PARD3B: variants seen among roughly 807,000 people sequenced by gnomAD.
PARD3B encodes partitioning defective 3 homolog B.
Under a neutral mutation model 130.2 loss-of-function variants are expected in PARD3B, and 103 were observed. The ratio of observed to expected loss-of-function variants is 0.79; its 90% CI spans 0.67 to 0.93. The LOEUF (loss-of-function observed/expected upper bound fraction) is 0.93. PARD3B is among the 40% of genes least tolerant of loss of function. PARD3B has a pLI of 0.00. For synonymous variants in PARD3B, 583 were observed against 553.2 expected, an observed-to-expected ratio of 1.05 and a Z score of -0.76; for missense variants, 1,609 against 1,499.2, an observed-to-expected ratio of 1.07 and a Z score of -1.21.
intron 18 of PARD3B, among the ~76,000 whole-genome samples, chr2:205,332,391 C>G (rs183668946): frequency 7.5e-4 from 114 of 151,978 alleles, no homozygotes; most frequent in African/African-American, 2.7e-3. Context: ...AAGATCTCCC[C>G]AAGCCCCTTT....
chr2:205,509,526 T>C (rs1359321614), intron 21 of PARD3B, among the ~76,000 whole-genome samples: 1 of 152,188 alleles, frequency 6.6e-6, no homozygotes, highest in East Asian at 1.9e-4. Flanking sequence ...GTTACTTCTC[T>C]GCCCTGTCCC....
At chr2:205,573,269 C>T (rs910676575) in intron 22 of PARD3B, among the ~76,000 whole-genome samples, 1 of 152,134 alleles carries the variant, frequency 6.6e-6, no homozygotes, top group African/African-American at 2.4e-5. Flanking sequence ...TGTGAAGGAG[C>T]TGAGCTGACC....
At chr2:204,970,972 C>T (rs753878655) in intron 3 of PARD3B, among the ~76,000 whole-genome samples, 9 of 151,990 alleles carry the variant, frequency 5.9e-5, no homozygotes, top group Non-Finnish European at 1.0e-4. Context: ...TCTTCAAAAC[C>T]GAAATGGAAA....
chr2:204,663,761 T>C (rs2035915378), intron 1 of PARD3B, among the ~76,000 whole-genome samples: 2 of 152,228 alleles, frequency 1.3e-5, no homozygotes, highest in Admixed American at 6.5e-5. Flanking sequence ...GCTACCATAC[T>C]GTGTGGACAT....
intron 8 of PARD3B, among the ~76,000 whole-genome samples, chr2:205,123,895 A>G (rs1203881288): frequency 2.0e-5 from 3 of 152,170 alleles, no homozygotes; most frequent in Non-Finnish European, 4.4e-5. Flanking sequence ...AGACAATGGG[A>G]TGCAGCAGTA....
Position 205,366,533 on chromosome 2 carries a change from A to T in PARD3B, c.2631-34480A>T, listed in dbSNP as rs1230346462. Among the ~76,000 whole-genome samples, 2 of 152,228 alleles carry T rather than the reference A, an allele frequency of 1.3e-5. No individual in the cohort carries two copies. The highest frequency in any genetic ancestry group is 2.9e-5 in the Non-Finnish European group (2 of 68,048). On this transcript the variant is annotated intron_variant, in intron 18 of 22. Coordinates refer to ENST00000406610, the MANE Select transcript of PARD3B (RefSeq NM_001302769.2). This position sits in a 1 kb window ranked among gnomAD's most constrained non-coding sequence, Gnocchi z 5.0. The stretch of plus-strand genomic sequence containing the variant: ...GGGGACCCAGAGGAATAGAAATGTC[A>T]CATCGTGACTGAGGGACAGAGCTAA...
chr2:205,579,673 C>T (rs183092503), intron 22 of PARD3B, among the ~76,000 whole-genome samples: 3 of 152,270 alleles, frequency 2.0e-5, no homozygotes, highest in East Asian at 1.9e-4. Flanking sequence ...TTTAAGGTGG[C>T]GCCTTTGTTG....
At chr2:205,303,631 C>T (rs1184372671) in intron 18 of PARD3B, among the ~76,000 whole-genome samples, 1 of 152,214 alleles carries the variant, frequency 6.6e-6, no homozygotes, top group Non-Finnish European at 1.5e-5. Context: ...ACCAGCCTTG[C>T]ATCTTCAGAC....
At chr2:204,873,918 G>A (rs572774393) in intron 2 of PARD3B, among the ~76,000 whole-genome samples, 17 of 152,210 alleles carry the variant, frequency 1.1e-4, no homozygotes, top group East Asian at 5.8e-4. Context: ...TGAGGGGAGC[G>A]GATCACTTGA....
chr2:204,760,499 A>T (rs1400420008), intron 2 of PARD3B, among the ~76,000 whole-genome samples: 38 of 152,102 alleles, frequency 2.5e-4, no homozygotes, highest in Non-Finnish European at 1.5e-5. Context: ...TCATGACTTT[A>T]CAAATTACAT....
intron 18 of PARD3B, among the ~76,000 whole-genome samples, chr2:205,348,332 C>G (rs2043870277): frequency 6.6e-6 from 1 of 152,218 alleles, no homozygotes; most frequent in Admixed American, 6.5e-5. Flanking sequence ...TGACATTCTC[C>G]TCTCCGTATT....
chr2:205,387,664 A>G (rs1298774782), intron 18 of PARD3B, among the ~76,000 whole-genome samples: 1 of 152,238 alleles, frequency 6.6e-6, no homozygotes, highest in African/African-American at 2.4e-5. Flanking sequence ...GGGTTTCTAC[A>G]GAATCAAATA....
intron 11 of PARD3B, 97 bp from the exon 12 acceptor site, chr2:205,172,114 T>C (rs2035204525): frequency 7.8e-7 from 1 of 1,288,410 alleles, no homozygotes; most frequent in Non-Finnish European, 1.1e-6. Flanking sequence ...TCTTTTTTTC[T>C]TTTTTTCATT....
intron 21 of PARD3B, among the ~76,000 whole-genome samples, chr2:205,546,320 G>A (rs910347638): frequency 2.0e-5 from 3 of 152,010 alleles, no homozygotes; most frequent in Admixed American, 6.6e-5. Flanking sequence ...AAGTTCTAAC[G>A]TTACACTGTT....
intron 2 of PARD3B, among the ~76,000 whole-genome samples, chr2:204,924,928 A>G (rs1687478771): frequency 6.6e-6 from 1 of 152,090 alleles, no homozygotes; most frequent in African/African-American, 2.4e-5. Context: ...GAGAAGAAGA[A>G]ATTCTGCCAA....
At chr2:205,067,158 C>T (rs888820693) in intron 4 of PARD3B, among the ~76,000 whole-genome samples, 1 of 106,658 alleles carries the variant, frequency 9.4e-6, no homozygotes, top group Non-Finnish European at 1.8e-5. Context: ...TTCCCCAGTC[C>T]ATAATTGGTT....
chr2:204,939,570 G>GA (rs1352102450), intron 2 of PARD3B, among the ~76,000 whole-genome samples: 2 of 152,240 alleles, frequency 1.3e-5, no homozygotes, highest in South Asian at 2.1e-4. Context: ...TTGGTATTTA[G>GA]AAAATTAACT....
chr2:205,602,369 A>G (rs994768486), intron 22 of PARD3B, among the ~76,000 whole-genome samples: 1 of 152,208 alleles, frequency 6.6e-6, no homozygotes, highest in Non-Finnish European at 1.5e-5. Context: ...AGGTTTTGAT[A>G]TTAGGATGAT....
intron 16 of PARD3B, among the ~76,000 whole-genome samples, chr2:205,248,706 AC>A (rs1348214552): frequency 2.1e-5 from 3 of 139,698 alleles, no homozygotes; most frequent in Non-Finnish European, 4.5e-5. Flanking sequence ...TCCCGGGTTC[AC>A]GCCATTTCTC....
Sources: gnomAD v4.1 joint callset for allele counts (sites outside exome capture counted in the v4.1 genomes callset) on GRCh38, gnomAD v4.1.1 for gene constraint, Gnocchi (gnomAD v3.1) non-coding constraint, MANE v1.5 for transcripts, NCBI Gene and HGNC (gene_info 2026-07-23, HGNC 2026-07-21) for gene names.